CFAP299: variants seen among roughly 807,000 people sequenced by gnomAD.
The protein encoded by CFAP299 is cilia and flagella associated protein 299.
In CFAP299, 21 loss-of-function variants were observed where a neutral mutation model predicts 27.0. The ratio of observed to expected loss-of-function variants is 0.78; its 90% CI spans 0.55 to 1.12. CFAP299 has a LOEUF of 1.12. Among genes scored for constraint, CFAP299 ranks in the 50% most tolerant of loss-of-function variants. The pLI is 0.00. For synonymous variants in CFAP299, 104 were observed against 98.1 expected, an observed-to-expected ratio of 1.06 and a Z score of -0.36; for missense variants, 310 against 276.6, an observed-to-expected ratio of 1.12 and a Z score of -0.86.
At chr4:80,420,319 A>G (rs1727232118) in intron 2 of CFAP299, 2 of 427,744 alleles carry the variant, frequency 4.7e-6, no homozygotes, top group Non-Finnish European at 9.5e-6. Flanking sequence ...TCTCTCCCAC[A>G]AAAGGCAAGT....
chr4:80,791,084 T>C (rs1727537551), intron 3 of CFAP299, among the ~76,000 whole-genome samples: 1 of 152,106 alleles, frequency 6.6e-6, no homozygotes, highest in South Asian at 2.1e-4. Flanking sequence ...AAGTTTTCAA[T>C]GACTAGCTCT....
intron 4 of CFAP299, among the ~76,000 whole-genome samples, chr4:80,886,240 C>T (rs1417442257): frequency 1.3e-5 from 2 of 152,142 alleles, no homozygotes; most frequent in Non-Finnish European, 2.9e-5. Flanking sequence ...TCCTGGCTCC[C>T]AGACAGCATT....
intron 2 of CFAP299, among the ~76,000 whole-genome samples, chr4:80,377,308 G>T (rs947763409): frequency 3.9e-5 from 6 of 151,990 alleles, no homozygotes; most frequent in Non-Finnish European, 8.8e-5. Flanking sequence ...AATTTTGTTA[G>T]GTAAGAGGCT....
chr4:80,634,052 C>T (rs895521003), intron 3 of CFAP299, among the ~76,000 whole-genome samples: 97 of 146,808 alleles, frequency 6.6e-4, no homozygotes, highest in Admixed American at 9.0e-4. Context: ...GGCATACTCT[C>T]GGCTCACTGC....
At chr4:80,941,858 A>G (rs75936556) in intron 4 of CFAP299, among the ~76,000 whole-genome samples, 2,799 of 152,214 alleles carry the variant, frequency 0.018, 47 homozygotes, top group Non-Finnish European at 0.029. Flanking sequence ...ACACTTTTAA[A>G]CAACCAGATC....
At chr4:80,883,083 A>G (rs1231733719) in intron 4 of CFAP299, among the ~76,000 whole-genome samples, 1 of 142,784 alleles carries the variant, frequency 7.0e-6, no homozygotes, top group African/African-American at 2.8e-5. Context: ...TAACAATATA[A>G]CTACAATAAT....
intron 3 of CFAP299, among the ~76,000 whole-genome samples, chr4:80,855,930 G>T (rs1275170503): frequency 6.6e-6 from 1 of 151,800 alleles, no homozygotes; most frequent in African/African-American, 2.4e-5. Context: ...CCAGTAATGG[G>T]ATGGCTGGGT....
chr4:80,681,464 T>G (rs575596760), intron 3 of CFAP299, among the ~76,000 whole-genome samples: 3 of 151,400 alleles, frequency 2.0e-5, no homozygotes, highest in Middle Eastern at 3.5e-3. Flanking sequence ...AGAAAAGAAG[T>G]TGGAAAGCCT....
intron 3 of CFAP299, among the ~76,000 whole-genome samples, chr4:80,637,550 A>T (rs1577961697): frequency 6.6e-6 from 1 of 152,158 alleles, no homozygotes; most frequent in African/African-American, 2.4e-5. Flanking sequence ...TAAAGTTAAA[A>T]TTAAAGAGGA....
chr4:80,377,702 A>G (rs900110680), intron 2 of CFAP299, among the ~76,000 whole-genome samples: 43 of 152,134 alleles, frequency 2.8e-4, no homozygotes, highest in Non-Finnish European at 4.1e-4. Context: ...TTACATCTTA[A>G]CATATTGAGT....
chr4:80,863,713 G>A (rs989608366), intron 3 of CFAP299, among the ~76,000 whole-genome samples: 2 of 152,082 alleles, frequency 1.3e-5, no homozygotes, highest in African/African-American at 2.4e-5. Context: ...TGAATAGCAT[G>A]TGATTTTTTT....
intron 2 of CFAP299, among the ~76,000 whole-genome samples, chr4:80,439,457 C>T (rs1728243686): frequency 6.6e-6 from 1 of 152,172 alleles, no homozygotes; most frequent in Non-Finnish European, 1.5e-5. Context: ...CGGGGAACTC[C>T]CTCCCCTTGT....
intron 2 of CFAP299, among the ~76,000 whole-genome samples, chr4:80,457,828 A>G (rs75190324): frequency 0.033 from 5,054 of 152,138 alleles, 264 homozygotes; most frequent in African/African-American, 0.11. Flanking sequence ...TACAATAGAG[A>G]CTACTTATTT....
intron 1 of CFAP299, among the ~76,000 whole-genome samples, chr4:80,352,277 G>A (rs976554266): frequency 6.6e-6 from 1 of 152,158 alleles, no homozygotes; most frequent in African/African-American, 2.4e-5. Flanking sequence ...GATTTAAAGA[G>A]CAGTCAAAGG....
intron 3 of CFAP299, among the ~76,000 whole-genome samples, chr4:80,642,691 G>A (rs1739789181): frequency 2.0e-5 from 3 of 151,136 alleles, no homozygotes; most frequent in Non-Finnish European, 3.0e-5. Context: ...TTGAACCCGG[G>A]AGGCAAAGGT....
At position 80,963,521 on chromosome 4, in the gene CFAP299, A is replaced by T; in HGVS notation, c.611A>T (p.Gln204Leu). 1.9e-6 allele frequency: 3 copies of T among 1,589,154 alleles called. No homozygotes were observed. The highest frequency in any genetic ancestry group is 2.6e-6 in the Non-Finnish European group (3 of 1,167,960). The change falls in exon 6 of 6, where the codon CAG becomes CTG. Residue 204 changes from glutamine to leucine, a missense_variant. Physicochemically the swap from Gln to Leu is moderately radical, Grantham distance 113. Transcript: ENST00000358105. Reference sequence around the variant, plus strand: ...AATGTAATTTATGTATTTTAGGCGCAGCCAGGTGACAACTCTACTAGAATC... The same window carrying T: ...AATGTAATTTATGTATTTTAGGCGCTGCCAGGTGACAACTCTACTAGAATC... ...RKILNVDPKA[Q>L]PGDNSTRITI... is the part of the protein sequence containing the mutation.
intron 2 of CFAP299, among the ~76,000 whole-genome samples, chr4:80,465,096 C>G (rs1196634670): frequency 6.6e-6 from 1 of 151,978 alleles, no homozygotes; most frequent in African/African-American, 2.4e-5. Context: ...TATAATTCTT[C>G]TGTGTGGAAC....
intron 4 of CFAP299, among the ~76,000 whole-genome samples, chr4:80,942,824 C>A (rs1329548653): frequency 1.3e-5 from 2 of 152,202 alleles, no homozygotes; most frequent in African/African-American, 4.8e-5. Flanking sequence ...TTGAAAATCA[C>A]ACCCATATTC....
intron 3 of CFAP299, among the ~76,000 whole-genome samples, chr4:80,865,370 A>C (rs1308174859): frequency 6.6e-6 from 1 of 152,146 alleles, no homozygotes; most frequent in Non-Finnish European, 1.5e-5. Context: ...AATCCACAAA[A>C]TATAAATAAG....
Sources: allele counts gnomAD v4.1 joint callset (sites outside exome capture counted in the v4.1 genomes callset), GRCh38; gene constraint gnomAD v4.1.1; transcripts MANE v1.5; gene names NCBI Gene and HGNC (gene_info 2026-07-23, HGNC 2026-07-21).